CSMD1: variants seen among roughly 807,000 people sequenced by gnomAD.
CSMD1 encodes the protein CUB and Sushi multiple domains 1, also known as CUB and sushi domain-containing protein 1.
Under a neutral mutation model 417.5 loss-of-function variants are expected in CSMD1, and 213 were observed. The ratio of observed to expected loss-of-function variants is 0.51; its 90% CI spans 0.46 to 0.57. The LOEUF (loss-of-function observed/expected upper bound fraction) is 0.57, where lower values mean the gene tolerates loss of function less well. Among genes scored for constraint, CSMD1 ranks in the 20% least tolerant of loss-of-function variants. CSMD1 has a pLI of 0.00. For missense variants in CSMD1, 6,923 were observed against 4,529.7 expected, an observed-to-expected ratio of 1.53 and a Z score of -15.17; for synonymous variants, 2,862 against 1,736.8, an observed-to-expected ratio of 1.65 and a Z score of -16.11.
intron 1 of CSMD1, among the ~76,000 whole-genome samples, chr8:4,990,980 C>T (rs1320253880): frequency 6.6e-6 from 1 of 152,142 alleles, no homozygotes; most frequent in Non-Finnish European, 1.5e-5. Context: ...ACGAATGTTC[C>T]ACCTTTCTCT....
At chr8:3,564,281 A>C (rs569957252) in intron 10 of CSMD1, among the ~76,000 whole-genome samples, 1 of 152,094 alleles carries the variant, frequency 6.6e-6, no homozygotes, top group Admixed American at 6.6e-5. Flanking sequence ...TTAAGAAAAA[A>C]AAGAAACGGA....
At chr8:4,864,737 T>C (rs1393032172) in intron 1 of CSMD1, among the ~76,000 whole-genome samples, 1 of 151,798 alleles carries the variant, frequency 6.6e-6, no homozygotes, top group Non-Finnish European at 1.5e-5. Flanking sequence ...TCGAAGTATA[T>C]TTTCCATATG....
intron 1 of CSMD1, among the ~76,000 whole-genome samples, chr8:4,789,666 G>A (rs895229463): frequency 1.7e-4 from 26 of 152,106 alleles, no homozygotes; most frequent in African/African-American, 6.3e-4. Flanking sequence ...CTGTATGTCA[G>A]AATTTAGCAT....
At chr8:2,971,799 C>G (rs1481230159) in intron 57 of CSMD1, among the ~76,000 whole-genome samples, 1 of 152,122 alleles carries the variant, frequency 6.6e-6, no homozygotes, top group Non-Finnish European at 1.5e-5. Context: ...TATGATCCTG[C>G]AATTCGTGAC....
At chr8:4,136,567 T>G (rs1196520839) in intron 3 of CSMD1, among the ~76,000 whole-genome samples, 1 of 152,192 alleles carries the variant, frequency 6.6e-6, no homozygotes, top group Non-Finnish European at 1.5e-5. Flanking sequence ...ATGCCTCTAA[T>G]TTACAGTATT....
intron 5 of CSMD1, among the ~76,000 whole-genome samples, chr8:3,935,998 G>A (rs900236987): frequency 6.6e-6 from 1 of 152,148 alleles, no homozygotes; most frequent in African/African-American, 2.4e-5. Context: ...TTCAGTGAAT[G>A]CAAATGATAA....
intron 5 of CSMD1, among the ~76,000 whole-genome samples, chr8:3,809,562 G>A (rs1016431034): frequency 6.6e-6 from 1 of 152,116 alleles, no homozygotes; most frequent in Non-Finnish European, 1.5e-5. Flanking sequence ...CGGATTCACT[G>A]GGAGAGCTTG....
chr8:3,208,502 T>A (rs1355428404), intron 30 of CSMD1, among the ~76,000 whole-genome samples: 1 of 152,168 alleles, frequency 6.6e-6, no homozygotes, highest in Admixed American at 6.6e-5. Context: ...GTTGACCTCG[T>A]GATCCACCTA....
At chr8:4,649,571 T>A (rs1803753637) in intron 1 of CSMD1, among the ~76,000 whole-genome samples, 1 of 152,252 alleles carries the variant, frequency 6.6e-6, no homozygotes, top group Non-Finnish European at 1.5e-5. Context: ...GTATTTTTTC[T>A]GTCATTTTCT....
chr8:4,540,753 C>T (rs773231189), intron 2 of CSMD1, among the ~76,000 whole-genome samples: 4 of 152,080 alleles, frequency 2.6e-5, no homozygotes, highest in Non-Finnish European at 5.9e-5. Flanking sequence ...TAAGGGCTGT[C>T]CACTTACCTT....
chr8:4,606,462 C>A (rs182168043), intron 2 of CSMD1, among the ~76,000 whole-genome samples: 1 of 152,122 alleles, frequency 6.6e-6, no homozygotes, highest in East Asian at 1.9e-4. Context: ...GCTGTGATTA[C>A]AACATCATCC....
chr8:4,855,414 G>A (rs563823144), intron 1 of CSMD1, among the ~76,000 whole-genome samples: 2 of 152,280 alleles, frequency 1.3e-5, no homozygotes, highest in Non-Finnish European at 2.9e-5. Context: ...GCTGGATGGA[G>A]AATGACTTTG....
intron 3 of CSMD1, among the ~76,000 whole-genome samples, chr8:4,388,256 G>A (rs1803600394): frequency 6.7e-6 from 1 of 148,460 alleles, no homozygotes. Context: ...GCAAAATCAT[G>A]GAATGAACCC....
At chr8:4,902,991 A>C (rs1194056883) in intron 1 of CSMD1, among the ~76,000 whole-genome samples, 1 of 142,608 alleles carries the variant, frequency 7.0e-6, no homozygotes, top group African/African-American at 2.8e-5. Context: ...ATAATAAATA[A>C]ATGATAAATA....
rs527388023 is a variant in CSMD1 at position 4,683,644 on chromosome 8, C to T, written c.86-46086G>A. On this transcript the variant is annotated intron_variant, in intron 1 of 69. Coordinates refer to ENST00000635120, the MANE Select transcript of CSMD1 (RefSeq NM_033225.6). ...ATGACGAGGAACCTCGCAGAGAAGG[C>T]GGCCCTGGAGTGTGGGGACTCCCAG... 1.8e-4 allele frequency among the ~76,000 whole-genome samples: 27 copies of T among 152,312 alleles called. No individual in the cohort carries two copies. The South Asian group carries it at 1.9e-3, about 11-fold the overall frequency.
intron 1 of CSMD1, among the ~76,000 whole-genome samples, chr8:4,776,488 G>C (rs559297033): frequency 6.6e-6 from 1 of 152,104 alleles, no homozygotes; most frequent in African/African-American, 2.4e-5. Flanking sequence ...CAGAGTTGTG[G>C]TTAGGAACCA....
intron 10 of CSMD1, among the ~76,000 whole-genome samples, chr8:3,503,258 G>T (rs1454852494): frequency 3.9e-5 from 6 of 152,202 alleles, no homozygotes; most frequent in African/African-American, 1.4e-4. Context: ...TGCTTTATCT[G>T]AGATGTTTAG....
At chr8:4,714,073 A>G (rs1323958867) in intron 1 of CSMD1, among the ~76,000 whole-genome samples, 1 of 152,052 alleles carries the variant, frequency 6.6e-6, no homozygotes, top group Non-Finnish European at 1.5e-5. Flanking sequence ...TGAACCCGGG[A>G]GACAGAGGTT....
At chr8:3,965,246 A>C (rs1365837749) in intron 5 of CSMD1, among the ~76,000 whole-genome samples, 1 of 152,166 alleles carries the variant, frequency 6.6e-6, no homozygotes, top group Non-Finnish European at 1.5e-5. Flanking sequence ...AATGCTTTCC[A>C]CTCAGCCTTT....
Sources: gnomAD v4.1 joint callset for allele counts (sites outside exome capture counted in the v4.1 genomes callset) on GRCh38, gnomAD v4.1.1 for gene constraint, MANE v1.5 for transcripts, NCBI Gene and HGNC (gene_info 2026-07-23, HGNC 2026-07-21) for gene names.